XPO6: variants seen among roughly 807,000 people sequenced by gnomAD.
XPO6 encodes the protein exportin-6.
Under a neutral mutation model 130.0 loss-of-function variants are expected in XPO6, and 3 were observed. The observed-to-expected ratio is 0.02, with a 90% confidence interval of 0.01 to 0.06. The LOEUF (loss-of-function observed/expected upper bound fraction) is 0.06. XPO6 is among the 10% of genes least tolerant of loss of function. The pLI, the probability that XPO6 is intolerant of heterozygous loss-of-function variation, is 1.00. For synonymous variants in XPO6, 524 were observed against 548.9 expected, an observed-to-expected ratio of 0.95 and a Z score of 0.63; for missense variants, 970 against 1,393.0, an observed-to-expected ratio of 0.70 and a Z score of 4.83.
In XPO6 at chr16:28,098,496, G is replaced by C; in HGVS notation, c.*42C>G. On this transcript the variant is annotated 3_prime_UTR_variant, in exon 24 of 24. Coordinates refer to ENST00000304658, the MANE Select transcript of XPO6 (RefSeq NM_015171.4). ...TGTGGTGGAAGGTAGGGCTGGCGCAGGTGGCAGCAGCAGAAGTCCGTGTCC... is the reference window on the plus strand; with the variant it reads ...TGTGGTGGAAGGTAGGGCTGGCGCACGTGGCAGCAGCAGAAGTCCGTGTCC... 1.3e-6 allele frequency: 2 copies of C among 1,549,250 alleles called. No homozygotes were observed. Among genetic ancestry groups the C allele is most frequent in the African/African-American group, 1.4e-5 (1 of 73,758 alleles).
rs1462286062 is a variant in XPO6 at position 28,132,319 on chromosome 16, T to C, written c.1606+15A>G. The stretch of plus-strand genomic sequence containing the variant: ...TTGAATGTTTGGTTAAATTAGAAAA[T>C]AAAAACCAGTTTACCTGACCCTGAA... On this transcript the variant is annotated intron_variant, in intron 12 of 23. Transcript: ENST00000304658. The surrounding 1 kb of genome is among the most constrained non-coding windows in gnomAD (Gnocchi z 4.0). 1.3e-6 allele frequency: 2 copies of C among 1,576,218 alleles called. No homozygotes were observed. Among genetic ancestry groups the C allele is most frequent in the Non-Finnish European group, 1.7e-6 (2 of 1,153,792 alleles).
Position 28,107,666 on chromosome 16 carries a change from T to C in XPO6, c.2353A>G (p.Ile785Val). The C allele has an allele frequency of 6.2e-7, 1 of 1,613,630 alleles. No homozygotes were observed. The highest frequency in any genetic ancestry group is 8.5e-7 in the Non-Finnish European group (1 of 1,179,920). The change falls in exon 18 of 24, where the codon ATC becomes GTC. Residue 785 changes from isoleucine to valine, a missense_variant. Around this residue, in one of 4 missense-constraint regions of XPO6, gnomAD observed 936 missense variants for 1,306.8 expected, o/e 0.72. Transcript: ENST00000304658. The stretch of plus-strand genomic sequence containing the variant: ...TCTAAGACGCTGAGTGTCTGGTGGA[T>C]AATCAGTTTGGCTGCAAATCAAGAT... ...KMPLDDTKLIIHQTLSVLEDI... is the reference protein window; with the variant it reads ...KMPLDDTKLIVHQTLSVLEDI...
intron 4 of XPO6, among the ~76,000 whole-genome samples, chr16:28,172,609 T>C (rs1408657836): frequency 6.6e-6 from 1 of 152,052 alleles, no homozygotes; most frequent in Admixed American, 6.6e-5. Context: ...TCCAGGAGCC[T>C]AGAAAGGGTA....
At chr16:28,113,988 A>C (rs2086992674) in intron 15 of XPO6, among the ~76,000 whole-genome samples, 1 of 152,148 alleles carries the variant, frequency 6.6e-6, no homozygotes, top group African/African-American at 2.4e-5. Context: ...CTAAAACTAC[A>C]AAAAAATTCA....
At chr16:28,195,820 T>C (rs897960889) in intron 1 of XPO6, among the ~76,000 whole-genome samples, 2 of 152,158 alleles carry the variant, frequency 1.3e-5, no homozygotes, top group African/African-American at 4.8e-5. Flanking sequence ...TCTCTGCTTG[T>C]CCTTGTCATC....
intron 5 of XPO6, among the ~76,000 whole-genome samples, chr16:28,167,914 G>A (rs2043382609): frequency 1.3e-5 from 2 of 151,734 alleles, no homozygotes; most frequent in South Asian, 4.2e-4. Context: ...TGAATGCCAG[G>A]GATTGGGGGA....
intron 13 of XPO6, among the ~76,000 whole-genome samples, chr16:28,124,115 T>C (rs925566275): frequency 1.3e-4 from 19 of 150,936 alleles, no homozygotes; most frequent in African/African-American, 4.4e-4. Context: ...TGGAGTGCAC[T>C]GGCGCAATCT....
intron 12 of XPO6, among the ~76,000 whole-genome samples, chr16:28,128,782 C>A (rs1318867702): frequency 2.6e-5 from 4 of 152,138 alleles, no homozygotes; most frequent in Non-Finnish European, 5.9e-5. Context: ...TGGTCACAAA[C>A]ACGGGTAAAG....
At chr16:28,113,320 G>C (rs1304689868) in intron 15 of XPO6, among the ~76,000 whole-genome samples, 2 of 152,150 alleles carry the variant, frequency 1.3e-5, no homozygotes, top group African/African-American at 2.4e-5. Flanking sequence ...TCTCAGCTTA[G>C]AGTCTGCAGT....
intron 14 of XPO6, among the ~76,000 whole-genome samples, chr16:28,119,284 G>A (rs1362328287): frequency 1.3e-5 from 2 of 151,404 alleles, no homozygotes; most frequent in Non-Finnish European, 2.9e-5. Flanking sequence ...CTCCCAAAGT[G>A]CTGGGATTAC....
At position 28,152,694 on chromosome 16, in the gene XPO6, A is replaced by G. The variant is rs1188246817; in HGVS notation, c.1189T>C (p.Phe397Leu). ...ESYSQFPVVE[F>L]LTLLFKYTFH... ...GTGTACTTGAACAAAAGTGTCAAAA[A>G]CTCCACCACAGGGAACTGGGAGTAA... Residue 397 changes from phenylalanine (F) to leucine (L), a missense_variant, in exon 8 of 24, where the codon TTT (phenylalanine) becomes CTT (leucine). By Grantham distance (22) the Phe-to-Leu change is conservative. Around this residue, in one of 4 missense-constraint regions of XPO6, gnomAD observed 936 missense variants for 1,306.8 expected, o/e 0.72. Transcript: ENST00000304658. The G allele has an allele frequency of 8.7e-6, 14 of 1,612,640 alleles. No individual in the cohort carries two copies. Among genetic ancestry groups the G allele is most frequent in the Non-Finnish European group, 1.2e-5 (14 of 1,179,640 alleles).
At chr16:28,201,673 G>A (rs953875202) in intron 1 of XPO6, among the ~76,000 whole-genome samples, 3 of 152,016 alleles carry the variant, frequency 2.0e-5, no homozygotes, top group Non-Finnish European at 2.9e-5. Flanking sequence ...TGGCTAACAC[G>A]GTGAAACCCC....
In XPO6 at chr16:28,101,794, A is replaced by G. The variant is rs1488621844; in HGVS notation, c.3045+53T>C. ...CCAGTGAGTAACCTGAGGGTGGGAC[A>G]CAGGCCACAATGCCCCTGATGGAAG... On this transcript the variant is annotated intron_variant, in intron 22 of 23. Coordinates refer to ENST00000304658, the MANE Select transcript of XPO6 (RefSeq NM_015171.4). This position sits in a 1 kb window ranked among gnomAD's most constrained non-coding sequence, Gnocchi z 5.4. 32 of 1,600,214 alleles carry G rather than the reference A, an allele frequency of 2.0e-5. No homozygotes were observed. The highest frequency in any genetic ancestry group is 2.4e-5 in the Non-Finnish European group (28 of 1,169,802).
At chr16:28,112,879 C>T (rs762577657) in intron 16 of XPO6, 25 bp downstream of exon 16, 22 of 1,606,686 alleles carry the variant, frequency 1.4e-5, no homozygotes, top group Admixed American at 8.4e-5. Context: ...GCCCTGGGGA[C>T]CCCGGGGGAG....
chr16:28,169,707 C>T, intron 5 of XPO6, 43 bp downstream of exon 5: 1 of 1,604,746 alleles, frequency 6.2e-7, no homozygotes, highest in Non-Finnish European at 8.5e-7. Context: ...CTCTGGGTGC[C>T]TGCGGGCAGG....
intron 7 of XPO6, 48 bp from the exon 8 acceptor site, chr16:28,152,833 C>T (rs768865667): frequency 1.3e-5 from 20 of 1,587,344 alleles, no homozygotes; most frequent in East Asian, 1.1e-4. Flanking sequence ...CAGCCACCTC[C>T]TTAGAACTTA....
intron 9 of XPO6, among the ~76,000 whole-genome samples, chr16:28,139,822 A>G (rs557793915): frequency 9.2e-5 from 14 of 152,268 alleles, no homozygotes; most frequent in Non-Finnish European, 1.8e-4. Flanking sequence ...CAACTAACAG[A>G]GTCTCAAAAT....
intron 15 of XPO6, 85 bp from the exon 16 acceptor site, chr16:28,113,135 G>A: frequency 6.7e-7 from 1 of 1,493,252 alleles, no homozygotes; most frequent in Non-Finnish European, 9.0e-7. Flanking sequence ...CAAGCTATGT[G>A]TCATTCTTGG....
intron 5 of XPO6, 47 bp from the exon 6 acceptor site, chr16:28,166,632 A>G (rs2303185): frequency 0.026 from 39,585 of 1,551,908 alleles, 3,222 homozygotes; most frequent in East Asian, 0.19. Context: ...AATGTCCAGC[A>G]TATAAAAATC....
Sources: gnomAD v4.1 joint callset for allele counts (sites outside exome capture counted in the v4.1 genomes callset) on GRCh38, gnomAD v4.1.1 for gene constraint, gnomAD v4.1.1 regional missense constraint, Gnocchi (gnomAD v3.1) non-coding constraint, MANE v1.5 for transcripts, NCBI Gene and HGNC (gene_info 2026-07-23, HGNC 2026-07-21) for gene names.